The following ADARB2 variants were observed in gnomAD, a reference collection of about 807,000 sequenced individuals.
ADARB2 encodes the protein inactive double-stranded RNA-specific editase B2.
ADARB2 carries 25 observed loss-of-function variants against 62.2 expected under a neutral mutation model. The observed-to-expected ratio is 0.40, with a 90% confidence interval of 0.29 to 0.56. The LOEUF is 0.56. Ranked by LOEUF, ADARB2 falls within the 20% of genes least tolerant of loss-of-function variation. ADARB2 has a pLI of 0.43. For synonymous variants in ADARB2, 572 were observed against 500.8 expected (o/e 1.14, Z -1.90); for missense variants, 1,071 against 1,077.4 (o/e 0.99, Z 0.08).
At chr10:1,342,692 C>T (rs1029732681) in intron 3 of ADARB2, among the ~76,000 whole-genome samples, 5 of 152,214 alleles carry the variant, frequency 3.3e-5, no homozygotes, top group Admixed American at 1.3e-4. Flanking sequence ...AAACCTACCG[C>T]CCCAATCGTT....
chr10:1,472,179 A>G (rs1831331336), intron 1 of ADARB2, among the ~76,000 whole-genome samples: 1 of 152,144 alleles, frequency 6.6e-6, no homozygotes, highest in Admixed American at 6.5e-5. Context: ...ACTCATGTTG[A>G]TGCTAAGCAC....
At chr10:1,729,395 A>T (rs141167472) in intron 1 of ADARB2, among the ~76,000 whole-genome samples, 3 of 152,340 alleles carry the variant, frequency 2.0e-5, no homozygotes, top group Admixed American at 1.3e-4. Context: ...TTCCTTAAAG[A>T]ATGTGGCTAT....
chr10:1,731,110 G>T lies in ADARB2; in HGVS notation c.100+5941C>A, dbSNP rs79479786. On this transcript the variant is annotated intron_variant, in intron 1 of 9. Coordinates refer to ENST00000381312, the MANE Select transcript of ADARB2 (RefSeq NM_018702.4). ...CTTTGCAAATGACCAAATTTTAGGG[G>T]CTGGAGGGAGATTGTGGATCTCTTG... Among the ~76,000 whole-genome samples the T allele has an allele frequency of 2.5e-3, 382 of 152,298 alleles. 4 individuals are homozygous for T. The East Asian group carries it at 0.031, about 12-fold the overall frequency.
At chr10:1,675,842 C>T (rs1168592943) in intron 1 of ADARB2, among the ~76,000 whole-genome samples, 2 of 152,094 alleles carry the variant, frequency 1.3e-5, no homozygotes, top group Admixed American at 6.5e-5. Context: ...GAAGCCGTGT[C>T]TCTGATCCCT....
At chr10:1,259,535 A>G (rs1487319462) in intron 4 of ADARB2, among the ~76,000 whole-genome samples, 1 of 152,236 alleles carries the variant, frequency 6.6e-6, no homozygotes, top group Non-Finnish European at 1.5e-5. Flanking sequence ...ACGCAAATAA[A>G]CTAGAAAATC....
chr10:1,626,357 G>A (rs1349869925), intron 1 of ADARB2, among the ~76,000 whole-genome samples: 6 of 122,724 alleles, frequency 4.9e-5, no homozygotes, highest in Non-Finnish European at 8.8e-5. Flanking sequence ...GGCCTCCACT[G>A]GACCTCGGAT....
intron 4 of ADARB2, among the ~76,000 whole-genome samples, chr10:1,256,335 C>T (rs1378390724): frequency 2.0e-5 from 3 of 152,230 alleles, no homozygotes; most frequent in Non-Finnish European, 4.4e-5. Context: ...TGGAACATGT[C>T]CTCCTCCTGC....
At chr10:1,469,498 AC>A (rs1831295367) in intron 1 of ADARB2, among the ~76,000 whole-genome samples, 1 of 152,220 alleles carries the variant, frequency 6.6e-6, no homozygotes, top group Non-Finnish European at 1.5e-5. Context: ...AAACTTTTAC[AC>A]TTTTACACAA....
At chr10:1,661,281 T>C (rs1027194983) in intron 1 of ADARB2, among the ~76,000 whole-genome samples, 2 of 152,186 alleles carry the variant, frequency 1.3e-5, no homozygotes, top group African/African-American at 4.8e-5. Context: ...TGGGTCATAA[T>C]TGGGTACATT....
At chr10:1,724,820 G>A (rs944697440) in intron 1 of ADARB2, among the ~76,000 whole-genome samples, 6 of 152,204 alleles carry the variant, frequency 3.9e-5, no homozygotes, top group African/African-American at 1.2e-4. Context: ...CAGGGGTGTC[G>A]TAGGGAGAAT....
chr10:1,730,171 A>T (rs1195520251), intron 1 of ADARB2, among the ~76,000 whole-genome samples: 1 of 152,232 alleles, frequency 6.6e-6, no homozygotes, highest in African/African-American at 2.4e-5. Flanking sequence ...TGGCAAAACA[A>T]CAGCCACAGA....
At chr10:1,239,649 T>C (rs1554747046) in intron 5 of ADARB2, among the ~76,000 whole-genome samples, 1 of 6,634 alleles carries the variant, frequency 1.5e-4, no homozygotes. Flanking sequence ...TTTACTCCCC[T>C]CTCCCTCCCG....
intron 1 of ADARB2, among the ~76,000 whole-genome samples, chr10:1,563,236 A>G (rs934876299): frequency 6.7e-6 from 1 of 149,774 alleles, no homozygotes; most frequent in East Asian, 2.0e-4. Context: ...TCCCCAGGTG[A>G]CCTCCCGCTC....
At chr10:1,480,983 C>T (rs1831462863) in intron 1 of ADARB2, among the ~76,000 whole-genome samples, 1 of 152,134 alleles carries the variant, frequency 6.6e-6, no homozygotes, top group Non-Finnish European at 1.5e-5. Flanking sequence ...TTCATGGAAT[C>T]TCGAAGGGCC....
intron 1 of ADARB2, among the ~76,000 whole-genome samples, chr10:1,570,169 T>C (rs1564333771): frequency 6.6e-6 from 1 of 152,218 alleles, no homozygotes; most frequent in African/African-American, 2.4e-5. Context: ...TTATGACATA[T>C]CGATTTGTGC....
At position 1,489,468 on chromosome 10, in the gene ADARB2, G is replaced by A. The variant is rs145256874; in HGVS notation, c.101-110308C>T. Among the ~76,000 whole-genome samples, 283 of 152,348 alleles carry A rather than the reference G, an allele frequency of 1.9e-3. 1 individual carries two copies. The highest frequency in any genetic ancestry group is 6.3e-3 in the African/African-American group (264 of 41,586). On this transcript the variant is annotated intron_variant, in intron 1 of 9. Transcript: ENST00000381312. ...CCTCTGATCTAACATTTTCCTGTGA[G>A]TCCAGAGGAACAAATACCTTCACAG...
chr10:1,628,303 G>C (rs1008736961), intron 1 of ADARB2, among the ~76,000 whole-genome samples: 13 of 152,242 alleles, frequency 8.5e-5, no homozygotes, highest in African/African-American at 3.1e-4. Context: ...GGTAGTGCCT[G>C]TGATTACTTG....
chr10:1,442,091 T>C (rs1830912648), intron 1 of ADARB2, among the ~76,000 whole-genome samples: 1 of 152,208 alleles, frequency 6.6e-6, no homozygotes, highest in Non-Finnish European at 1.5e-5. Flanking sequence ...AAATACCCCA[T>C]GGGGTATATT....
intron 1 of ADARB2, among the ~76,000 whole-genome samples, chr10:1,495,770 A>G (rs1831680672): frequency 9.2e-6 from 1 of 109,184 alleles, no homozygotes; most frequent in Admixed American, 8.8e-5. Flanking sequence ...TATCATTGTT[A>G]TCATCATCAT....
Sources: allele counts gnomAD v4.1 joint callset (sites outside exome capture counted in the v4.1 genomes callset), GRCh38; gene constraint gnomAD v4.1.1; transcripts MANE v1.5; gene names NCBI Gene and HGNC (gene_info 2026-07-23, HGNC 2026-07-21).